The following LIX1 variants were observed in gnomAD, a reference collection of about 807,000 sequenced individuals.
LIX1 encodes the protein limb and CNS expressed 1.
LIX1 carries 24 observed loss-of-function variants against 33.4 expected under a neutral mutation model. The ratio of observed to expected loss-of-function variants is 0.72; its 90% CI spans 0.52 to 1.01. The LOEUF (loss-of-function observed/expected upper bound fraction) is 1.01. Among genes scored for constraint, LIX1 ranks in the 50% least tolerant of loss-of-function variants. The probability of loss-of-function intolerance (pLI) is 0.00; values close to 1 mark genes in which losing one functional copy is unlikely to be tolerated. For synonymous variants in LIX1, 124 were observed against 124.0 expected (o/e 1.00, Z 0.00); for missense variants, 311 against 339.2 (o/e 0.92, Z 0.65).
chr5:97,105,315 T>G lies in LIX1; in HGVS notation c.388-30A>C, dbSNP rs906022776. 5.8e-6 allele frequency: 9 copies of G among 1,560,824 alleles called. No homozygotes were observed. The African/African-American group carries it at 9.5e-5, about 16-fold the overall frequency. ...GGAAAGAAAGCAGAAAAAGAAAAAT[T>G]ACTGATTTTTCCTCCTCTTCTTTGA... is the stretch of plus-strand genomic sequence containing the variant. On this transcript the variant is annotated intron_variant, in intron 3 of 5. Transcript: ENST00000274382.
intron 2 of LIX1, among the ~76,000 whole-genome samples, chr5:97,111,754 A>G (rs1366691792): frequency 5.3e-5 from 8 of 152,214 alleles, no homozygotes; most frequent in African/African-American, 1.9e-4. Flanking sequence ...TCTATTTTAA[A>G]TAAGACCAGT....
chr5:97,122,928 G>A (rs760613235), intron 2 of LIX1, among the ~76,000 whole-genome samples: 23 of 151,962 alleles, frequency 1.5e-4, no homozygotes, highest in Non-Finnish European at 2.9e-4. Context: ...ATTACTTTTC[G>A]GAAGGTTAAT....
At position 97,127,879 on chromosome 5, in the gene LIX1, G is replaced by T. The variant is rs535364900; in HGVS notation, c.83-3250C>A. On this transcript the variant is annotated intron_variant, in intron 1 of 5. Transcript: ENST00000274382. ...AGGGACCCATCTGCACAAATGCTCA[G>T]CTCCACCTTATTTCCTACAGTCTCA... is the stretch of plus-strand genomic sequence containing the variant. Among the ~76,000 whole-genome samples the T allele has an allele frequency of 2.1e-4, 32 of 152,284 alleles. 2 individuals are homozygous for T. In the South Asian group the frequency reaches 6.4e-3, roughly 31 times the overall value.
At chr5:97,132,839 G>C (rs1188547221) in intron 1 of LIX1, among the ~76,000 whole-genome samples, 1 of 152,130 alleles carries the variant, frequency 6.6e-6, no homozygotes, top group South Asian at 2.1e-4. Flanking sequence ...AGAGGGGCCT[G>C]GACAGAAAAA....
chr5:97,133,435 T>C (rs1748108275), intron 1 of LIX1, among the ~76,000 whole-genome samples: 1 of 152,218 alleles, frequency 6.6e-6, no homozygotes, highest in Non-Finnish European at 1.5e-5. Context: ...TTAGCTATTA[T>C]TTGTGACTGG....
intron 5 of LIX1, among the ~76,000 whole-genome samples, chr5:97,095,917 A>G (rs1197536037): frequency 6.6e-6 from 1 of 152,232 alleles, no homozygotes; most frequent in Non-Finnish European, 1.5e-5. Flanking sequence ...AAAGGAAAAA[A>G]AACAAAACCA....
At chr5:97,115,097 T>C (rs1747602038) in intron 2 of LIX1, among the ~76,000 whole-genome samples, 1 of 152,234 alleles carries the variant, frequency 6.6e-6, no homozygotes. Flanking sequence ...TAACAGTTTT[T>C]ATTTCTTCTA....
At chr5:97,100,791 T>G (rs988675552) in intron 4 of LIX1, among the ~76,000 whole-genome samples, 1 of 151,474 alleles carries the variant, frequency 6.6e-6, no homozygotes, top group Non-Finnish European at 1.5e-5. Flanking sequence ...AGGAAGTTAG[T>G]GTAGTCAGGT....
intron 2 of LIX1, among the ~76,000 whole-genome samples, chr5:97,116,534 G>C (rs1204033883): frequency 6.6e-6 from 1 of 152,086 alleles, no homozygotes; most frequent in East Asian, 1.9e-4. Flanking sequence ...GGGTCAGAAT[G>C]TTATTTTTAT....
At chr5:97,102,315 A>C (rs1415292400) in intron 4 of LIX1, among the ~76,000 whole-genome samples, 1 of 152,052 alleles carries the variant, frequency 6.6e-6, no homozygotes, top group Non-Finnish European at 1.5e-5. Flanking sequence ...TGTTGGCTGC[A>C]GAAACAGCCC....
intron 3 of LIX1, 47 bp downstream of exon 3, chr5:97,107,313 A>C: frequency 6.4e-7 from 1 of 1,567,666 alleles, no homozygotes; most frequent in South Asian, 1.2e-5. Context: ...CAAATGCTTC[A>C]GAATTCTCAG....
At chr5:97,129,473 A>C (rs534564042) in intron 1 of LIX1, among the ~76,000 whole-genome samples, 26 of 152,152 alleles carry the variant, frequency 1.7e-4, no homozygotes, top group Middle Eastern at 3.4e-3. Context: ...CTATCCTCCT[A>C]ATGTACCTAT....
At chr5:97,134,156 T>A (rs1748122747) in intron 1 of LIX1, among the ~76,000 whole-genome samples, 1 of 152,236 alleles carries the variant, frequency 6.6e-6, no homozygotes, top group African/African-American at 2.4e-5. Flanking sequence ...GTTTTACTTT[T>A]GTCGCCCAGC....
rs922681439 is a variant in LIX1, at chr5:97,094,964, G to C, written c.633C>G (p.Ile211Met). 3 of 1,614,010 alleles carry C rather than the reference G, an allele frequency of 1.9e-6. No individual in the cohort carries two copies. The African/African-American group carries it at 4.0e-5, about 22-fold the overall frequency. The change falls in exon 6 of 6, where the codon ATC becomes ATG. Residue 211 changes from isoleucine to methionine, a missense_variant. Physicochemically the swap from Ile to Met is conservative, Grantham distance 10. Coordinates refer to ENST00000274382, the MANE Select transcript of LIX1 (RefSeq NM_153234.5). Reference sequence around the variant, plus strand: ...TTCCTGGTGAGTCCCGCTCCTTCATGATCCAGTCCAGGGCCATGTGGCTGC... The same window carrying C: ...TTCCTGGTGAGTCCCGCTCCTTCATCATCCAGTCCAGGGCCATGTGGCTGC... ...KMRSHMALDW[I>M]MKERDSPGIV...
At chr5:97,129,367 C>T (rs1259138136) in intron 1 of LIX1, among the ~76,000 whole-genome samples, 1 of 152,086 alleles carries the variant, frequency 6.6e-6, no homozygotes, top group Non-Finnish European at 1.5e-5. Context: ...CACCCTAGGC[C>T]TTCTGAAATA....
intron 4 of LIX1, chr5:97,102,963 T>C (rs1029069307): frequency 2.4e-6 from 1 of 422,618 alleles, no homozygotes; most frequent in Admixed American, 3.0e-5. Flanking sequence ...GCTTTATAAA[T>C]GTTACACTAC....
At chr5:97,114,349 CTA>C (rs963475155) in intron 2 of LIX1, among the ~76,000 whole-genome samples, 4 of 152,138 alleles carry the variant, frequency 2.6e-5, no homozygotes, top group Admixed American at 1.3e-4. Context: ...AATTCAAAAA[CTA>C]AATAAATAAA....
rs1041801737 is a variant in LIX1, at chr5:97,092,166, C to T, written c.*2582G>A. On this transcript the variant is annotated 3_prime_UTR_variant, in exon 6 of 6. Transcript: ENST00000274382. Reference sequence around the variant, plus strand: ...GTTCTAAACAAGAATCTAAAGATCCCCTAGGGCAATCTCTGGACTTTGGGG... The same window carrying T: ...GTTCTAAACAAGAATCTAAAGATCCTCTAGGGCAATCTCTGGACTTTGGGG... 5 of 152,270 alleles carry T rather than the reference C, an allele frequency of 3.3e-5. No homozygotes were observed. Among genetic ancestry groups the T allele is most frequent in the Non-Finnish European group, 7.3e-5 (5 of 68,030 alleles). The allele number at this position is 152,270 out of a possible 1,614,324, so 9.4% of individuals were successfully genotyped here.
intron 4 of LIX1, among the ~76,000 whole-genome samples, chr5:97,101,525 T>C (rs1159595633): frequency 6.6e-6 from 1 of 152,196 alleles, no homozygotes; most frequent in Admixed American, 6.5e-5. Context: ...AAATTTAATA[T>C]AGAACGAAGA....
Sources: gnomAD v4.1 joint callset for allele counts (sites outside exome capture counted in the v4.1 genomes callset) on GRCh38, gnomAD v4.1.1 for gene constraint, MANE v1.5 for transcripts, NCBI Gene and HGNC (gene_info 2026-07-23, HGNC 2026-07-21) for gene names.